Variants in ZNF618 observed in about 807,000 individuals in gnomAD.
The protein encoded by ZNF618 is neural precursor cell expressed, developmentally down-regulated 10.
Under a neutral mutation model 103.0 loss-of-function variants are expected in ZNF618, and 34 were observed. The observed-to-expected ratio is 0.33, with a 90% CI of 0.25 to 0.44. The LOEUF (loss-of-function observed/expected upper bound fraction) is 0.44. ZNF618 is among the 20% of genes least tolerant of loss of function. The pLI, the probability that ZNF618 is intolerant of heterozygous loss-of-function variation, is 1.00. For synonymous variants in ZNF618, 551 were observed against 542.2 expected (o/e 1.02, Z -0.23); for missense variants, 1,059 against 1,295.4 (o/e 0.82, Z 2.80).
intron 13 of ZNF618, among the ~76,000 whole-genome samples, chr9:114,044,234 A>T (rs544666412): frequency 6.6e-6 from 1 of 152,292 alleles, no homozygotes; most frequent in African/African-American, 2.4e-5. Context: ...AAGGTGAGAG[A>T]TGAGGATCCA....
chr9:114,032,603 C>T, intron 11 of ZNF618, 42 bp from the exon 12 acceptor site: 1 of 1,590,422 alleles, frequency 6.3e-7, no homozygotes, highest in Non-Finnish European at 8.6e-7. Flanking sequence ...TAGTGCTGAC[C>T]AATCACCATT....
chr9:113,899,313 C>T (rs1369586661), intron 1 of ZNF618, among the ~76,000 whole-genome samples: 2 of 152,160 alleles, frequency 1.3e-5, no homozygotes, highest in African/African-American at 4.8e-5. Flanking sequence ...CCCCTTCCCC[C>T]AGTCCCTGGT....
At chr9:113,903,436 G>A (rs185257097) in intron 1 of ZNF618, among the ~76,000 whole-genome samples, 1 of 150,370 alleles carries the variant, frequency 6.7e-6, no homozygotes, top group East Asian at 2.0e-4. Context: ...TAGGGTGTTC[G>A]CAAGGTCATT....
chr9:113,984,972 T>A (rs184671783), intron 2 of ZNF618, among the ~76,000 whole-genome samples: 387 of 152,254 alleles, frequency 2.5e-3, no homozygotes, highest in Non-Finnish European at 4.2e-3. Context: ...CCACAGCCCA[T>A]GCGCTAAACA....
chr9:113,929,932 A>C (rs1833423497), intron 1 of ZNF618, among the ~76,000 whole-genome samples: 1 of 152,244 alleles, frequency 6.6e-6, no homozygotes, highest in Non-Finnish European at 1.5e-5. Flanking sequence ...ACATTGTATG[A>C]ATAACCAGTA....
intron 13 of ZNF618, among the ~76,000 whole-genome samples, chr9:114,037,973 G>T (rs911694692): frequency 2.0e-5 from 3 of 152,260 alleles, no homozygotes; most frequent in Non-Finnish European, 2.9e-5. Context: ...TAAAGCAAGG[G>T]CCTGAAAATC....
chr9:114,035,273 G>A (rs1358657138), intron 12 of ZNF618: 3 of 985,402 alleles, frequency 3.0e-6, no homozygotes, highest in African/African-American at 3.5e-5. Context: ...GAGAGGGCAA[G>A]GCAGGGCAGG....
intron 1 of ZNF618, among the ~76,000 whole-genome samples, chr9:113,930,017 C>G (rs945458638): frequency 2.0e-5 from 3 of 152,188 alleles, no homozygotes; most frequent in Non-Finnish European, 4.4e-5. Flanking sequence ...TGATAACAGC[C>G]TTGGCCTATA....
chr9:113,883,148 A>G (rs10981992), intron 1 of ZNF618, among the ~76,000 whole-genome samples: 2,772 of 152,298 alleles, frequency 0.018, 96 homozygotes, highest in East Asian at 0.16. Flanking sequence ...TGGATGACCA[A>G]TTTGGGCTTG....
At chr9:114,012,460 A>G (rs1842338568) in intron 9 of ZNF618, among the ~76,000 whole-genome samples, 1 of 152,136 alleles carries the variant, frequency 6.6e-6, no homozygotes, top group Non-Finnish European at 1.5e-5. Flanking sequence ...CTACCTCCCA[A>G]AGGCCCCATC....
intron 1 of ZNF618, among the ~76,000 whole-genome samples, chr9:113,912,404 G>C (rs1024513055): frequency 6.6e-6 from 1 of 152,148 alleles, no homozygotes; most frequent in Non-Finnish European, 1.5e-5. Context: ...GATATGGGTG[G>C]GGCCAGGGTA....
intron 1 of ZNF618, among the ~76,000 whole-genome samples, chr9:113,890,985 G>C (rs1429797551): frequency 6.6e-6 from 1 of 152,128 alleles, no homozygotes; most frequent in East Asian, 1.9e-4. Flanking sequence ...TTAAAGAAAA[G>C]CTCTTTGGAT....
chr9:114,031,883 A>T (rs1844082751), intron 11 of ZNF618, among the ~76,000 whole-genome samples: 1 of 149,684 alleles, frequency 6.7e-6, no homozygotes, highest in East Asian at 2.0e-4. Context: ...TCCAGCTCGG[A>T]TCATCTGTTT....
chr9:113,887,472 G>A (rs537058742), intron 1 of ZNF618, among the ~76,000 whole-genome samples: 14 of 152,298 alleles, frequency 9.2e-5, no homozygotes, highest in African/African-American at 3.1e-4. Flanking sequence ...AGTTTGAACT[G>A]GGGTATTTTT....
chr9:113,997,925 A>G (rs1439777217), intron 3 of ZNF618, among the ~76,000 whole-genome samples: 1 of 152,228 alleles, frequency 6.6e-6, no homozygotes, highest in Non-Finnish European at 1.5e-5. Flanking sequence ...ATGCATGGAC[A>G]CTGCACCCGT....
chr9:113,975,527 C>T (rs1838391162), intron 2 of ZNF618, among the ~76,000 whole-genome samples: 1 of 152,124 alleles, frequency 6.6e-6, no homozygotes, highest in Non-Finnish European at 1.5e-5. Context: ...TTGAGTATTC[C>T]TAATCCAGAA....
At chr9:113,904,641 C>T (rs1830829606) in intron 1 of ZNF618, among the ~76,000 whole-genome samples, 1 of 152,322 alleles carries the variant, frequency 6.6e-6, no homozygotes, top group African/African-American at 2.4e-5. Flanking sequence ...TCTTGTAATT[C>T]TGGAGATCAG....
In ZNF618 at chr9:114,042,508, C is replaced by T. The variant is rs372772736; in HGVS notation, c.1247-5385C>T. Among the ~76,000 whole-genome samples, 44 of 151,954 alleles carry T rather than the reference C, an allele frequency of 2.9e-4. 1 individual carries two copies. The East Asian group carries it at 6.8e-3, about 23-fold the overall frequency. On this transcript the variant is annotated intron_variant, in intron 13 of 14. Transcript: ENST00000374126. The stretch of plus-strand genomic sequence containing the variant: ...TGGACAGGGACAACATAGCATGACC[C>T]TGTGTCTAAAAAAATAAAATTAAAA...
chr9:113,956,105 A>C (rs1365733648), intron 1 of ZNF618, among the ~76,000 whole-genome samples: 1 of 144,530 alleles, frequency 6.9e-6, no homozygotes, highest in African/African-American at 2.6e-5. Flanking sequence ...GCTACTCGGG[A>C]GGCTGAGGCA....
Sources: gnomAD v4.1 joint callset for allele counts (sites outside exome capture counted in the v4.1 genomes callset) on GRCh38, gnomAD v4.1.1 for gene constraint, MANE v1.5 for transcripts, NCBI Gene and HGNC (gene_info 2026-07-23, HGNC 2026-07-21) for gene names.